U2SURP: variants seen among roughly 807,000 people sequenced by gnomAD.
U2SURP encodes the protein U2 snRNP associated SURP domain containing.
A neutral mutation model predicts 144.9 loss-of-function variants in U2SURP; 9 were observed. The ratio of observed to expected loss-of-function variants is 0.06; its 90% CI spans 0.04 to 0.11. U2SURP has a LOEUF of 0.11. U2SURP is among the 10% of genes least tolerant of loss of function. U2SURP has a pLI of 1.00. For synonymous variants in U2SURP, 408 were observed against 396.8 expected (o/e 1.03, Z -0.33); for missense variants, 724 against 1,226.7 (o/e 0.59, Z 6.12).
At chr3:143,045,041 A>T (rs1934348771) in intron 24 of U2SURP, among the ~76,000 whole-genome samples, 1 of 152,190 alleles carries the variant, frequency 6.6e-6, no homozygotes, top group Non-Finnish European at 1.5e-5. Flanking sequence ...TTTTCAACCT[A>T]CACATGCTCC....
chr3:143,014,884 C>G (rs996094662), intron 4 of U2SURP, among the ~76,000 whole-genome samples: 4 of 151,846 alleles, frequency 2.6e-5, no homozygotes, highest in Non-Finnish European at 4.4e-5. Flanking sequence ...TGTTCTTTTG[C>G]CATTAAAAGT....
intron 24 of U2SURP, among the ~76,000 whole-genome samples, chr3:143,049,652 C>T (rs1040814136): frequency 6.6e-6 from 1 of 152,220 alleles, no homozygotes; most frequent in East Asian, 1.9e-4. Flanking sequence ...GGTATTTTCA[C>T]CCTTGTAAAT....
At chr3:143,020,117 T>G in intron 7 of U2SURP, 81 bp downstream of exon 7, 7 of 830,564 alleles carry the variant, frequency 8.4e-6, no homozygotes, top group Non-Finnish European at 1.2e-5. Context: ...AAGAATATAC[T>G]GTACCAGTTA....
At chr3:143,019,101 T>G (rs1052236972) in intron 6 of U2SURP, among the ~76,000 whole-genome samples, 1 of 152,210 alleles carries the variant, frequency 6.6e-6, no homozygotes, top group African/African-American at 2.4e-5. Flanking sequence ...AAATGTCTGT[T>G]CAGATACTTG....
At chr3:143,014,832 A>G (rs1008602369) in intron 4 of U2SURP, among the ~76,000 whole-genome samples, 6 of 151,882 alleles carry the variant, frequency 4.0e-5, no homozygotes, top group Admixed American at 6.6e-5. Flanking sequence ...TAGATATGCA[A>G]TCATTTATTC....
chr3:143,037,168 C>T lies in U2SURP; in HGVS notation c.2065-11C>T, dbSNP rs943328887. 1 of 1,607,992 alleles carries T rather than the reference C, an allele frequency of 6.2e-7. No individual in the cohort carries two copies. The highest frequency in any genetic ancestry group is 1.3e-5 in the African/African-American group (1 of 74,942). ...CAAAGGAAAATGTTATAATAGTACA[C>T]ATTTCCATAGGATGTTCCAGATGAC... On this transcript the variant is annotated splice_polypyrimidine_tract_variant and intron_variant, in intron 20 of 27. Transcript: ENST00000473835.
At chr3:143,004,440 T>G (rs1180670312) in intron 1 of U2SURP, among the ~76,000 whole-genome samples, 1 of 136,032 alleles carries the variant, frequency 7.4e-6, no homozygotes, top group Admixed American at 8.2e-5. Context: ...CTCAGCTCAC[T>G]GCAACCTCTG....
intron 8 of U2SURP, among the ~76,000 whole-genome samples, chr3:143,021,061 C>T (rs1192201398): frequency 2.0e-5 from 3 of 152,026 alleles, no homozygotes; most frequent in Non-Finnish European, 4.4e-5. Context: ...CGTGGTGGTG[C>T]GTGCCTGTAA....
chr3:143,010,659 A>G (rs1185720775), intron 1 of U2SURP, among the ~76,000 whole-genome samples, 156 bp from the exon 2 acceptor site: 1 of 152,220 alleles, frequency 6.6e-6, no homozygotes, highest in Non-Finnish European at 1.5e-5. Flanking sequence ...TTGTATCACA[A>G]TCTTTTCATA....
intron 2 of U2SURP, 108 bp from the exon 3 acceptor site, chr3:143,012,114 T>C (rs1936143454): frequency 3.0e-6 from 4 of 1,353,664 alleles, no homozygotes; most frequent in Non-Finnish European, 4.1e-6. Context: ...ATTTTGATAA[T>C]CTACAATGAA....
intron 24 of U2SURP, among the ~76,000 whole-genome samples, chr3:143,045,134 G>C (rs2108308270): frequency 1.3e-5 from 2 of 152,224 alleles, no homozygotes; most frequent in South Asian, 4.1e-4. Flanking sequence ...ACTTTGGGAG[G>C]TCGAGGCGGG....
intron 16 of U2SURP, among the ~76,000 whole-genome samples, chr3:143,029,854 C>T (rs1235351442): frequency 2.0e-5 from 3 of 152,128 alleles, no homozygotes; most frequent in Non-Finnish European, 4.4e-5. Flanking sequence ...AGCAAAATAG[C>T]CTTATTACTG....
At chr3:143,032,681 T>C (rs2108295044) in intron 16 of U2SURP, 103 bp from the exon 17 acceptor site, 3 of 1,032,540 alleles carry the variant, frequency 2.9e-6, no homozygotes, top group Admixed American at 2.5e-5. Context: ...TTCAGAATTA[T>C]TTTATGTGAG....
intron 24 of U2SURP, among the ~76,000 whole-genome samples, chr3:143,047,751 G>T: frequency 1.3e-5 from 1 of 77,380 alleles, no homozygotes; most frequent in Non-Finnish European, 2.6e-5. Flanking sequence ...CGGGCGGGGG[G>T]CTGACCCTCC....
At chr3:143,048,760 T>G (rs1934678811) in intron 24 of U2SURP, among the ~76,000 whole-genome samples, 1 of 150,424 alleles carries the variant, frequency 6.6e-6, no homozygotes, top group Non-Finnish European at 1.5e-5. Context: ...TAGTCAGGCA[T>G]GGAGGCTGAG....
At position 143,057,137 on chromosome 3, in the gene U2SURP, A is replaced by G. The variant is rs546737784; in HGVS notation, c.*687A>G. 3.3e-5 allele frequency: 5 copies of G among 152,490 alleles called. No homozygotes were observed. The East Asian group carries it at 5.8e-4, about 18-fold the overall frequency. The allele number at this position is 152,490 out of a possible 1,614,324, so 9.4% of individuals were successfully genotyped here. A position where few individuals can be genotyped will look rare whatever the true frequency, so the allele number is the denominator to read the frequency against. On this transcript the variant is annotated 3_prime_UTR_variant, in exon 28 of 28. Transcript: ENST00000473835. ...TGTTAGTGGAATGCCTGGCTAAAAC[A>G]TTTTTTTCACAGAAGCAATATGATT...
At chr3:143,018,161 C>A (rs1259372392) in intron 6 of U2SURP, among the ~76,000 whole-genome samples, 1 of 152,092 alleles carries the variant, frequency 6.6e-6, no homozygotes, top group Non-Finnish European at 1.5e-5. Flanking sequence ...TTTTATCACC[C>A]TAAAAAGAAA....
intron 1 of U2SURP, 47 bp from the exon 2 acceptor site, chr3:143,010,768 A>G: frequency 2.1e-6 from 3 of 1,417,918 alleles, no homozygotes; most frequent in Non-Finnish European, 2.9e-6. Flanking sequence ...ATGTTTTGTT[A>G]GTATAAGACA....
intron 4 of U2SURP, among the ~76,000 whole-genome samples, chr3:143,015,162 A>G (rs1020102460): frequency 1.3e-5 from 2 of 152,110 alleles, no homozygotes; most frequent in African/African-American, 4.8e-5. Context: ...AATCTCCTAC[A>G]TGAAAAATGG....
Sources: allele counts gnomAD v4.1 joint callset (sites outside exome capture counted in the v4.1 genomes callset), GRCh38; gene constraint gnomAD v4.1.1; transcripts MANE v1.5; gene names NCBI Gene and HGNC (gene_info 2026-07-23, HGNC 2026-07-21).